ZEB1: variants seen among roughly 807,000 people sequenced by gnomAD.
ZEB1 encodes zinc finger E-box-binding homeobox 1.
Under a neutral mutation model 84.9 loss-of-function variants are expected in ZEB1, and 21 were observed. That is an observed-to-expected ratio of 0.25 (90% CI 0.18 to 0.36). ZEB1 has a LOEUF of 0.36. Among genes scored for constraint, ZEB1 ranks in the 10% least tolerant of loss-of-function variants. The probability of loss-of-function intolerance (pLI) is 1.00; values close to 1 mark genes in which losing one functional copy is unlikely to be tolerated. For synonymous variants in ZEB1, 420 were observed against 471.1 expected (o/e 0.89, Z 1.41); for missense variants, 1,104 against 1,330.2 (o/e 0.83, Z 2.65).
intron 1 of ZEB1, among the ~76,000 whole-genome samples, chr10:31,460,120 C>T (rs2061656432): frequency 6.6e-6 from 1 of 151,856 alleles, no homozygotes; most frequent in African/African-American, 2.4e-5. Context: ...ACTAAATATT[C>T]ATCCTGTTAG....
rs377220038 is a variant in ZEB1 at position 31,439,876 on chromosome 10, C to T, written c.59-21161C>T. ...TCAGCCCATGGAGGGCCTTGGATTA[C>T]AGTGAATAGGATGGGAAGTCATTAG... is the stretch of plus-strand genomic sequence containing the variant. On this transcript the variant is annotated intron_variant, in intron 1 of 8. Coordinates refer to ENST00000424869, the MANE Select transcript of ZEB1 (RefSeq NM_001174096.2). Among the ~76,000 whole-genome samples, 5 of 152,196 alleles carry T rather than the reference C, an allele frequency of 3.3e-5. No individual in the cohort carries two copies. The East Asian group carries it at 7.7e-4, about 24-fold the overall frequency.
chr10:31,487,344 C>A (rs1389778328), intron 2 of ZEB1, among the ~76,000 whole-genome samples: 2 of 151,390 alleles, frequency 1.3e-5, no homozygotes, highest in Non-Finnish European at 3.0e-5. Context: ...TTGGAGAGAA[C>A]TGACTTCTTC....
intron 1 of ZEB1, among the ~76,000 whole-genome samples, chr10:31,331,952 A>T (rs1590014848): frequency 6.6e-6 from 1 of 152,322 alleles, no homozygotes; most frequent in East Asian, 1.9e-4. Flanking sequence ...TGAAGCAAAG[A>T]GTGACATGAT....
At position 31,502,361 on chromosome 10, in the gene ZEB1, A is replaced by G. The variant is rs999354895; in HGVS notation, c.336A>G (p.Glu112=). Residue 112 remains glutamate (E), a synonymous_variant, in exon 4 of 9, where the codon GAA becomes GAG. Transcript: ENST00000424869. ...DEAGCTVKDD[E]CESDAENEQN... is the part of the protein sequence containing the mutation. ...CATTTTTTTTAGTAAAAGATGATGA[A>G]TGCGAGTCAGATGCAGAAAATGAGC... 5.0e-6 allele frequency: 8 copies of G among 1,613,714 alleles called. No individual in the cohort carries two copies. Among genetic ancestry groups the G allele is most frequent in the Non-Finnish European group, 8.5e-7 (1 of 1,179,774 alleles).
At chr10:31,489,422 T>C (rs2138782733) in intron 2 of ZEB1, among the ~76,000 whole-genome samples, 1 of 151,486 alleles carries the variant, frequency 6.6e-6, no homozygotes, top group East Asian at 1.9e-4. Context: ...TTTTGGTCTA[T>C]TCTGATCATC....
chr10:31,362,307 C>T (rs916554839), intron 1 of ZEB1, among the ~76,000 whole-genome samples: 3 of 150,688 alleles, frequency 2.0e-5, no homozygotes, highest in Non-Finnish European at 3.0e-5. Flanking sequence ...AGAGGCGCGC[C>T]TCACTTCCCG....
chr10:31,470,950 A>G (rs1324077418), intron 2 of ZEB1, among the ~76,000 whole-genome samples: 2 of 137,306 alleles, frequency 1.5e-5, no homozygotes, highest in Middle Eastern at 3.6e-3. Context: ...AGAATTTCAT[A>G]TCCAGCCAAA....
Position 31,521,076 on chromosome 10 carries a change from A to T in ZEB1, c.1744A>T (p.Asn582Tyr), listed in dbSNP as rs1456202829. The change falls in exon 7 of 9, where the codon AAT becomes TAT. Residue 582 changes from asparagine (N) to tyrosine (Y), a missense_variant. By Grantham distance (143) the Asn-to-Tyr change is moderately radical. Transcript: ENST00000424869. ...SSVSSATGDGNLSPSQPPLKN... is the reference protein window; with the variant it reads ...SSVSSATGDGYLSPSQPPLKN... ...TGTTTCATCAGCTACTGGAGATGGC[A>T]ATTTGTCTCCTAGTCAGCCACCTTT... 14 of 1,613,966 alleles carry T rather than the reference A, an allele frequency of 8.7e-6. No individual in the cohort carries two copies. Among genetic ancestry groups the T allele is most frequent in the Admixed American group, 1.7e-5 (1 of 60,002 alleles).
chr10:31,370,420 G>A (rs767943668), intron 1 of ZEB1, among the ~76,000 whole-genome samples: 3 of 152,122 alleles, frequency 2.0e-5, no homozygotes, highest in Non-Finnish European at 2.9e-5. Context: ...AAATAGATGT[G>A]ATGCCATGGA....
rs1311127774 is a variant in ZEB1 at position 31,411,403 on chromosome 10, G to A, written c.59-49634G>A. On this transcript the variant is annotated intron_variant, in intron 1 of 8. Transcript: ENST00000424869. Reference sequence around the variant, plus strand: ...TCCCAGCACTTTGGGAGGCCGAGGCGAGTGGATCATGAGGTCAGGAGATCG... The same window carrying A: ...TCCCAGCACTTTGGGAGGCCGAGGCAAGTGGATCATGAGGTCAGGAGATCG... Among the ~76,000 whole-genome samples, 5 of 152,232 alleles carry A rather than the reference G, an allele frequency of 3.3e-5. No individual in the cohort carries two copies. In the South Asian group the frequency reaches 6.2e-4, roughly 19 times the overall value.
chr10:31,340,434 T>C (rs952084665), intron 1 of ZEB1, among the ~76,000 whole-genome samples: 1 of 152,218 alleles, frequency 6.6e-6, no homozygotes, highest in African/African-American at 2.4e-5. Flanking sequence ...GACCCATTGA[T>C]AGCATTTTAG....
chr10:31,418,778 A>C (rs1417636535), intron 1 of ZEB1, among the ~76,000 whole-genome samples: 1 of 152,052 alleles, frequency 6.6e-6, no homozygotes, highest in African/African-American at 2.4e-5. Flanking sequence ...ATTTACTTTC[A>C]TCTATTCAAC....
intron 2 of ZEB1, among the ~76,000 whole-genome samples, chr10:31,476,473 A>G (rs527754520): frequency 2.7e-4 from 41 of 151,862 alleles, no homozygotes; most frequent in Non-Finnish European, 5.0e-4. Context: ...GTAAAAAAAA[A>G]CCTTCCAACA....
chr10:31,489,694 C>T (rs12269196), intron 2 of ZEB1, among the ~76,000 whole-genome samples: 2,163 of 151,418 alleles, frequency 0.014, 50 homozygotes, highest in African/African-American at 0.05. Context: ...TTTTCACAGT[C>T]TATTTAGAAT....
chr10:31,419,601 G>T (rs2055800231), intron 1 of ZEB1, among the ~76,000 whole-genome samples: 1 of 152,080 alleles, frequency 6.6e-6, no homozygotes, highest in Admixed American at 6.6e-5. Context: ...CTAGATCACT[G>T]CCTCTGTTGT....
intron 1 of ZEB1, among the ~76,000 whole-genome samples, chr10:31,451,622 C>G (rs965059776): frequency 2.0e-5 from 3 of 152,168 alleles, no homozygotes; most frequent in African/African-American, 7.2e-5. Flanking sequence ...ATACTTTCCT[C>G]AACACAAAAA....
At chr10:31,427,705 A>C (rs2057142230) in intron 1 of ZEB1, among the ~76,000 whole-genome samples, 1 of 152,034 alleles carries the variant, frequency 6.6e-6, no homozygotes, top group Non-Finnish European at 1.5e-5. Flanking sequence ...TACAAACAAA[A>C]AAAATTAGCC....
chr10:31,514,795 A>G, intron 6 of ZEB1, 87 bp downstream of exon 6: 1 of 1,078,302 alleles, frequency 9.3e-7, no homozygotes, highest in Non-Finnish European at 1.4e-6. Context: ...TACGTACATG[A>G]TCAGAAACTC....
intron 1 of ZEB1, among the ~76,000 whole-genome samples, chr10:31,354,986 G>A (rs1185324527): frequency 6.6e-6 from 1 of 152,120 alleles, no homozygotes; most frequent in African/African-American, 2.4e-5. Flanking sequence ...ACACGTGGGT[G>A]TAATACAAAG....
Sources: gnomAD v4.1 joint callset for allele counts (sites outside exome capture counted in the v4.1 genomes callset) on GRCh38, gnomAD v4.1.1 for gene constraint, MANE v1.5 for transcripts, NCBI Gene and HGNC (gene_info 2026-07-23, HGNC 2026-07-21) for gene names.